The following ADPRHL1 variants were observed in gnomAD, a reference collection of about 807,000 sequenced individuals.
ADPRHL1 encodes the protein inactive ADP-ribosyltransferase ARH2.
Under a neutral mutation model 44.1 loss-of-function variants are expected in ADPRHL1, and 43 were observed. That is an observed-to-expected ratio of 0.98 (90% CI 0.76 to 1.26). The LOEUF is 1.26. ADPRHL1 is among the 50% of genes most tolerant of loss of function. The pLI is 0.00. For synonymous variants in ADPRHL1, 878 were observed against 1,017.4 expected (o/e 0.86, Z 2.61); for missense variants, 2,022 against 2,496.9 (o/e 0.81, Z 4.05).
chr13:113,444,432 AT>A lies in ADPRHL1; in HGVS notation c.371del (p.Asn124MetfsTer39), dbSNP rs1381243516. The A allele has an allele frequency of 6.2e-7, 1 of 1,613,810 alleles. No homozygotes were observed. Among genetic ancestry groups the A allele is most frequent in the Non-Finnish European group, 8.5e-7 (1 of 1,179,722 alleles). On this transcript the variant is annotated frameshift_variant, in exon 2 of 8. Transcript: ENST00000612156. LOFTEE classifies it high-confidence loss of function. The part of the protein sequence containing the change: ...NYLLAWHTPF[N>X]EKGSGFGAAT... Reference sequence around the variant, plus strand: ...GGAGAGGATTTCCCTGACCTTTTTCATTGAACGGTGTGTGCCAGGCGAGAAG... The same window carrying A: ...GGAGAGGATTTCCCTGACCTTTTTCATGAACGGTGTGTGCCAGGCGAGAAG...
chr13:113,424,708 T>C (rs2043952401), intron 5 of ADPRHL1, among the ~76,000 whole-genome samples: 1 of 2,618 alleles, frequency 3.8e-4, no homozygotes, highest in African/African-American at 1.4e-3. Context: ...ATTCATCCAT[T>C]TACCCACACA....
rs912134727 is a variant in ADPRHL1, at chr13:113,403,755, G to GGGCT, written c.5523_5526dup (p.Pro1843SerfsTer46). 85 of 1,232,650 alleles carry GGGCT rather than the reference G, an allele frequency of 6.9e-5. No individual in the cohort carries two copies. Among genetic ancestry groups the GGGCT allele is most frequent in the Middle Eastern group, 3.1e-4 (1 of 3,236 alleles). The allele number at this position is 1,232,650 out of a possible 1,614,324, so 76.4% of individuals were successfully genotyped here. ...CCCCCTGACTGTCCACCATCCCTGGGGGCTGGGCTTCTGGACCCCCCACTC... is the reference window on the plus strand; with the variant it reads ...CCCCCTGACTGTCCACCATCCCTGGGGGCTGGCTGGGCTTCTGGACCCCCCACTC... On this transcript the variant is annotated frameshift_variant, in exon 8 of 8. Coordinates refer to ENST00000612156, the MANE Select transcript of ADPRHL1 (RefSeq NM_001394807.1). LOFTEE classifies it low-confidence loss of function (END_TRUNC).
At chr13:113,446,888 C>T (rs2044142703) in intron 1 of ADPRHL1, among the ~76,000 whole-genome samples, 1 of 149,980 alleles carries the variant, frequency 6.7e-6, no homozygotes, top group African/African-American at 2.5e-5. Context: ...ATGGTGTCTA[C>T]AGTCACGGTG....
chr13:113,449,497 A>G (rs1438440006), intron 1 of ADPRHL1, among the ~76,000 whole-genome samples: 3 of 144,156 alleles, frequency 2.1e-5, no homozygotes, highest in African/African-American at 7.9e-5. Context: ...AGAGAGGCTC[A>G]CCCAGAAGGA....
chr13:113,432,864 G>A (rs1019948483), intron 3 of ADPRHL1, among the ~76,000 whole-genome samples: 4 of 152,238 alleles, frequency 2.6e-5, no homozygotes, highest in African/African-American at 9.6e-5. Flanking sequence ...GCCAACTGCA[G>A]GTCAGGAGTT....
Position 113,407,054 on chromosome 13 carries a change from G to A in ADPRHL1, c.2228C>T (p.Thr743Ile). The change falls in exon 8 of 8, where the codon ACT (threonine) becomes ATT (isoleucine). Residue 743 changes from threonine (T) to isoleucine (I), a missense_variant. Physicochemically the swap from Thr to Ile is moderately conservative, Grantham distance 89. This residue lies in a region of ADPRHL1 where 1,221 missense variants were observed against 1,517.8 expected (regional missense o/e 0.80). Transcript: ENST00000612156. ...WGTGSAGGDG[T>I]ADPTAESTAG... is the part of the protein sequence containing the mutation. ...GGTGCTCTCTGCGGTGGGGTCTGCAGTCCCATCACCTCCGGCTGATCCGGT... is the reference window on the plus strand; with the variant it reads ...GGTGCTCTCTGCGGTGGGGTCTGCAATCCCATCACCTCCGGCTGATCCGGT... 8.1e-7 allele frequency: 1 copy of A among 1,232,268 alleles called. No individual in the cohort carries two copies. Among genetic ancestry groups the A allele is most frequent in the Non-Finnish European group, 1.0e-6 (1 of 988,078 alleles). The allele number at this position is 1,232,268 out of a possible 1,614,324, so 76.3% of individuals were successfully genotyped here. A position where few individuals can be genotyped will look rare whatever the true frequency, so the allele number is the denominator to read the frequency against.
Position 113,407,685 on chromosome 13 carries a change from C to T in ADPRHL1, c.1597G>A (p.Ala533Thr), listed in dbSNP as rs2043819518. ...ATCTTCGGCAAGAGGCCCCTGGCGGCTTTGGGCCGCTCCACAGGGGGCTTC... is the reference window on the plus strand; with the variant it reads ...ATCTTCGGCAAGAGGCCCCTGGCGGTTTTGGGCCGCTCCACAGGGGGCTTC... ...REKPPVERPK[A>T]ARGLLPKIMG... Residue 533 changes from alanine to threonine, a missense_variant, in exon 8 of 8, where the codon GCC becomes ACC. Coordinates refer to ENST00000612156, the MANE Select transcript of ADPRHL1 (RefSeq NM_001394807.1). 1.5e-5 allele frequency: 19 copies of T among 1,231,976 alleles called. No homozygotes were observed. Among genetic ancestry groups the T allele is most frequent in the Non-Finnish European group, 1.8e-5 (18 of 988,016 alleles). The allele number at this position is 1,231,976 out of a possible 1,614,324, so 76.3% of individuals were successfully genotyped here.
intron 2 of ADPRHL1, among the ~76,000 whole-genome samples, chr13:113,443,692 C>T (rs1285294642): frequency 1.3e-5 from 2 of 151,596 alleles, no homozygotes; most frequent in African/African-American, 4.8e-5. Flanking sequence ...CGCCTGTAAT[C>T]CCACCACTTT....
chr13:113,406,925 C>T lies in ADPRHL1; in HGVS notation c.2357G>A (p.Ser786Asn), dbSNP rs1252467588. ...TGCTCCTTCCCTTTCATCCTCTGAACTGCAAACAGTCATGGTGATTTCAGG... is the reference window on the plus strand; with the variant it reads ...TGCTCCTTCCCTTTCATCCTCTGAATTGCAAACAGTCATGGTGATTTCAGG... ...EGPEITMTVC[S>N]SEDEREGAGF... Residue 786 changes from serine to asparagine, a missense_variant, in exon 8 of 8, where the codon AGT (serine) becomes AAT (asparagine). Transcript: ENST00000612156. The T allele has an allele frequency of 8.1e-7, 1 of 1,232,088 alleles. No homozygotes were observed. Among genetic ancestry groups the T allele is most frequent in the African/African-American group, 1.6e-5 (1 of 64,430 alleles). The allele number at this position is 1,232,088 out of a possible 1,614,324, so 76.3% of individuals were successfully genotyped here.
rs764580537 is a variant in ADPRHL1 at position 113,441,776 on chromosome 13, G to A, written c.379+2649C>T. 4.6e-5 allele frequency among the ~76,000 whole-genome samples: 7 copies of A among 151,728 alleles called. No homozygotes were observed. The highest frequency in any genetic ancestry group is 7.3e-5 in the African/African-American group (3 of 41,262). ...TGTCTCTATCATGCTCCGCCCCGCCGTGTGGGTCTGTGTCTCTATCACGCT... is the reference window on the plus strand; with the variant it reads ...TGTCTCTATCATGCTCCGCCCCGCCATGTGGGTCTGTGTCTCTATCACGCT... On this transcript the variant is annotated intron_variant, in intron 2 of 7. Coordinates refer to ENST00000612156, the MANE Select transcript of ADPRHL1 (RefSeq NM_001394807.1). The surrounding 1 kb of genome is among the most constrained non-coding windows in gnomAD (Gnocchi z 6.0).
intron 1 of ADPRHL1, chr13:113,449,219 A>T: frequency 9.8e-7 from 1 of 1,017,302 alleles, no homozygotes; most frequent in Non-Finnish European, 1.2e-6. Flanking sequence ...CCCCAGTCAG[A>T]GAGGCTCACC....
In ADPRHL1 at chr13:113,406,545, T is replaced by C. The variant is rs2139594856; in HGVS notation, c.2737A>G (p.Ser913Gly). 8.1e-7 allele frequency: 1 copy of C among 1,232,056 alleles called. No homozygotes were observed. The highest frequency in any genetic ancestry group is 1.0e-6 in the Non-Finnish European group (1 of 987,990). The allele number at this position is 1,232,056 out of a possible 1,614,324, so 76.3% of individuals were successfully genotyped here. A position where few individuals can be genotyped will look rare whatever the true frequency, so the allele number is the denominator to read the frequency against. ...CGTGGCCCCTGCGGCGAAGAGGCGC[T>C]GAGTCCCGCCTGCATCCCTGAAAGC... ...SKLSGMQAGL[S>G]ASSPQGPRAA... is the part of the protein sequence containing the mutation. Residue 913 changes from serine (S) to glycine (G), a missense_variant, in exon 8 of 8, where the codon AGC (serine) becomes GGC (glycine). Physicochemically the swap from Ser to Gly is moderately conservative, Grantham distance 56. Around this residue, in one of 8 missense-constraint regions of ADPRHL1, gnomAD observed 1,221 missense variants for 1,517.8 expected, o/e 0.80. Coordinates refer to ENST00000612156, the MANE Select transcript of ADPRHL1 (RefSeq NM_001394807.1).
In ADPRHL1 at chr13:113,405,798, C is replaced by T. The variant is rs1030665200; in HGVS notation, c.3484G>A (p.Gly1162Arg). 2.4e-6 allele frequency: 3 copies of T among 1,231,734 alleles called. No individual in the cohort carries two copies. The highest frequency in any genetic ancestry group is 3.2e-5 in the East Asian group (1 of 31,702). The allele number at this position is 1,231,734 out of a possible 1,614,324, so 76.3% of individuals were successfully genotyped here. The change falls in exon 8 of 8, where the codon GGA (glycine) becomes AGA (arginine). Residue 1162 changes from glycine (G) to arginine (R), a missense_variant. This residue lies in a region of ADPRHL1 where 1,221 missense variants were observed against 1,517.8 expected (regional missense o/e 0.80). Transcript: ENST00000612156. Reference sequence around the variant, plus strand: ...TGAGGGTCTCGAGGGAGAGCCTCTCCTCTGGGGTGGCTTTCGGACAAGGCT... The same window carrying T: ...TGAGGGTCTCGAGGGAGAGCCTCTCTTCTGGGGTGGCTTTCGGACAAGGCT... Reference protein sequence around the residue: ...SRALSESHPRGEALPRDPHSH... With the variant: ...SRALSESHPRREALPRDPHSH...
Position 113,407,627 on chromosome 13 carries a change from C to G in ADPRHL1, c.1655G>C (p.Arg552Pro). Reference sequence around the variant, plus strand: ...GCAGCTGTTCTGCTCGAACTTCTCCCGCAGCTTGGACAGCACCGAGCTCTT... The same window carrying G: ...GCAGCTGTTCTGCTCGAACTTCTCCGGCAGCTTGGACAGCACCGAGCTCTT... ...MGKSSVLSKL[R>P]EKFEQNSCLC... Residue 552 changes from arginine to proline, a missense_variant, in exon 8 of 8, where the codon CGG becomes CCG. Physicochemically the swap from Arg to Pro is moderately radical, Grantham distance 103. Transcript: ENST00000612156. 1 of 1,232,094 alleles carries G rather than the reference C, an allele frequency of 8.1e-7. No individual in the cohort carries two copies. Among genetic ancestry groups the G allele is most frequent in the Non-Finnish European group, 1.0e-6 (1 of 988,022 alleles). The allele number at this position is 1,232,094 out of a possible 1,614,324, so 76.3% of individuals were successfully genotyped here.
At position 113,421,043 on chromosome 13, in the gene ADPRHL1, G is replaced by A. The variant is rs1428977746; in HGVS notation, c.1061+1783C>T. Among the ~76,000 whole-genome samples, 11 of 53,596 alleles carry A rather than the reference G, an allele frequency of 2.1e-4. No homozygotes were observed. The East Asian group carries it at 6.5e-3, about 32-fold the overall frequency. 35.2% of individuals were successfully genotyped at this position (53,596 alleles called of 152,430 possible). A position where few individuals can be genotyped will look rare whatever the true frequency, so the allele number is the denominator to read the frequency against. ...GGACACCCCTACCCCCCGCCAACAT[G>A]CCTACCCTGGGACATCCCTACCCCC... On this transcript the variant is annotated intron_variant, in intron 7 of 7. Transcript: ENST00000612156.
At chr13:113,425,472 CG>C (rs1276468329) in intron 4 of ADPRHL1, among the ~76,000 whole-genome samples, 1 of 150,628 alleles carries the variant, frequency 6.6e-6, no homozygotes, top group Non-Finnish European at 1.5e-5. Flanking sequence ...GGCGTGATCT[CG>C]GCTCACTGCA....
chr13:113,415,304 G>A (rs2043881583), intron 7 of ADPRHL1, among the ~76,000 whole-genome samples: 1 of 152,198 alleles, frequency 6.6e-6, no homozygotes, highest in Admixed American at 6.5e-5. Flanking sequence ...GCAGAGTGTG[G>A]ACCTGGAAAG....
intron 1 of ADPRHL1, among the ~76,000 whole-genome samples, chr13:113,446,348 G>A (rs1010780887): frequency 1.3e-5 from 2 of 151,794 alleles, no homozygotes; most frequent in African/African-American, 4.8e-5. Flanking sequence ...GAGGGCTCCC[G>A]TGGCTGCAAA....
chr13:113,441,974 G>A lies in ADPRHL1; in HGVS notation c.379+2451C>T, dbSNP rs116922045. ...TTGTGTCCCGCCACGCGGCGTCCGC[G>A]TCTCTATCACGCTGTGTCCTGTGGC... On this transcript the variant is annotated intron_variant, in intron 2 of 7. Coordinates refer to ENST00000612156, the MANE Select transcript of ADPRHL1 (RefSeq NM_001394807.1). The surrounding 1 kb of genome is among the most constrained non-coding windows in gnomAD (Gnocchi z 6.0). Among the ~76,000 whole-genome samples the A allele has an allele frequency of 6.1e-3, 930 of 152,384 alleles. 6 individuals are homozygous for A. Among genetic ancestry groups the A allele is most frequent in the Admixed American group, 8.2e-3 (125 of 15,312 alleles).
Sources: gnomAD v4.1 joint callset for allele counts (sites outside exome capture counted in the v4.1 genomes callset) on GRCh38, gnomAD v4.1.1 for gene constraint, gnomAD v4.1.1 regional missense constraint, Gnocchi (gnomAD v3.1) non-coding constraint, MANE v1.5 for transcripts, NCBI Gene and HGNC (gene_info 2026-07-23, HGNC 2026-07-21) for gene names.